JARID2: variants seen among roughly 807,000 people sequenced by gnomAD.
The protein encoded by JARID2 is jumonji and AT-rich interaction domain containing 2.
In JARID2, 21 loss-of-function variants were observed where a neutral mutation model predicts 125.6. The ratio of observed to expected loss-of-function variants is 0.17; its 90% CI spans 0.12 to 0.24. The LOEUF is 0.24. JARID2 is among the 10% of genes least tolerant of loss of function. The pLI, the probability that JARID2 is intolerant of heterozygous loss-of-function variation, is 1.00. For synonymous variants in JARID2, 736 were observed against 661.6 expected (o/e 1.11, Z -1.73); for missense variants, 1,303 against 1,639.6 (o/e 0.79, Z 3.55).
intron 1 of JARID2, among the ~76,000 whole-genome samples, chr6:15,294,022 C>G (rs1416889682): frequency 1.3e-5 from 2 of 152,176 alleles, no homozygotes; most frequent in Non-Finnish European, 2.9e-5. Flanking sequence ...CTTTGTGACT[C>G]CTATGCCAAG....
intron 1 of JARID2, among the ~76,000 whole-genome samples, chr6:15,262,533 A>AT (rs35864895): frequency 0.26 from 30,832 of 116,446 alleles, 4,676 homozygotes; most frequent in South Asian, 0.45. Flanking sequence ...TGGTTTGGCT[A>AT]TTTTTTTTTT....
intron 6 of JARID2, among the ~76,000 whole-genome samples, chr6:15,491,792 A>G (rs1319804415): frequency 1.3e-5 from 2 of 152,224 alleles, no homozygotes; most frequent in Admixed American, 6.5e-5. Context: ...AGAAAAACCC[A>G]TAAGGATGGA....
At chr6:15,279,788 C>T (rs1419163550) in intron 1 of JARID2, among the ~76,000 whole-genome samples, 1 of 152,134 alleles carries the variant, frequency 6.6e-6, no homozygotes, top group African/African-American at 2.4e-5. Context: ...CTCATTAGCC[C>T]CTATCGTCTA....
chr6:15,419,258 G>T (rs1245974344), intron 3 of JARID2, among the ~76,000 whole-genome samples: 7 of 152,160 alleles, frequency 4.6e-5, no homozygotes, highest in Admixed American at 3.9e-4. Flanking sequence ...ATAAATAAGA[G>T]AAGTACTAGT....
At chr6:15,471,258 A>G (rs1769062797) in intron 5 of JARID2, among the ~76,000 whole-genome samples, 8 of 152,232 alleles carry the variant, frequency 5.3e-5, no homozygotes, top group Admixed American at 5.2e-4. Context: ...CCAGGAATTT[A>G]TCATTTTGGA....
chr6:15,373,606 T>A (rs1471879075), intron 1 of JARID2, among the ~76,000 whole-genome samples: 1 of 152,346 alleles, frequency 6.6e-6, no homozygotes, highest in East Asian at 1.9e-4. Context: ...TCCAATTCCA[T>A]GTCTTCTGAC....
At chr6:15,439,112 A>G (rs914919293) in intron 3 of JARID2, among the ~76,000 whole-genome samples, 1 of 151,984 alleles carries the variant, frequency 6.6e-6, no homozygotes, top group Admixed American at 6.6e-5. Flanking sequence ...AAACCCAGCT[A>G]CAGTGCCTCT....
intron 5 of JARID2, among the ~76,000 whole-genome samples, chr6:15,483,179 A>G (rs143287144): frequency 6.7e-4 from 102 of 152,352 alleles, no homozygotes; most frequent in African/African-American, 2.3e-3. Context: ...AATAAAAACA[A>G]CATCCTATGA....
chr6:15,272,589 A>G (rs1308301099), intron 1 of JARID2, among the ~76,000 whole-genome samples: 1 of 152,224 alleles, frequency 6.6e-6, no homozygotes, highest in Non-Finnish European at 1.5e-5. Flanking sequence ...AGCTGTGGAA[A>G]CAAAGCAGGT....
chr6:15,312,779 G>A (rs1762057823), intron 1 of JARID2, among the ~76,000 whole-genome samples: 1 of 151,926 alleles, frequency 6.6e-6, no homozygotes, highest in African/African-American at 2.4e-5. Flanking sequence ...TGGTCCTTTC[G>A]TGATTCCCTG....
At chr6:15,321,995 G>A (rs1232591157) in intron 1 of JARID2, among the ~76,000 whole-genome samples, 1 of 151,982 alleles carries the variant, frequency 6.6e-6, no homozygotes, top group Non-Finnish European at 1.5e-5. Context: ...GTTTCACCAT[G>A]TTGGCCAGGC....
intron 1 of JARID2, among the ~76,000 whole-genome samples, chr6:15,270,927 C>G (rs150060035): frequency 0.077 from 11,632 of 151,330 alleles, 460 homozygotes; most frequent in Admixed American, 0.11. Context: ...GGCAACAGAG[C>G]AAGGCTCCCT....
intron 1 of JARID2, among the ~76,000 whole-genome samples, chr6:15,253,051 G>GA (rs1759517616): frequency 6.6e-6 from 1 of 151,586 alleles, no homozygotes; most frequent in South Asian, 2.1e-4. Context: ...GCCAGCTTCA[G>GA]GTTTTTTTAA....
At chr6:15,452,332 A>T in intron 4 of JARID2, 157 bp downstream of exon 4, 3 of 697,572 alleles carry the variant, frequency 4.3e-6, no homozygotes, top group Non-Finnish European at 5.3e-6. Context: ...CCACCGAGAG[A>T]GTGTGTGCTG....
At chr6:15,498,782 A>G (rs961235911) in intron 7 of JARID2, among the ~76,000 whole-genome samples, 27 of 152,200 alleles carry the variant, frequency 1.8e-4, no homozygotes, top group Non-Finnish European at 2.9e-5. Flanking sequence ...ACGTGATAGG[A>G]AGCAGTGCAG....
intron 5 of JARID2, among the ~76,000 whole-genome samples, chr6:15,477,356 G>C (rs1004662731): frequency 6.6e-6 from 1 of 152,004 alleles, no homozygotes; most frequent in African/African-American, 2.4e-5. Context: ...AGTGGGGACA[G>C]ACACTCTGTA....
At chr6:15,254,053 G>C (rs1759558943) in intron 1 of JARID2, among the ~76,000 whole-genome samples, 1 of 152,194 alleles carries the variant, frequency 6.6e-6, no homozygotes, top group Non-Finnish European at 1.5e-5. Context: ...TTTTGCTTGG[G>C]AAAGTTGGAA....
rs76202173 is a variant in JARID2 at position 15,505,629 on chromosome 6, C to T, written c.2541+1037C>T. On this transcript the variant is annotated intron_variant, in intron 9 of 17. Transcript: ENST00000341776. The stretch of plus-strand genomic sequence containing the variant: ...GTGGGGAATAGAGGTTTACCTTTCA[C>T]GCCATTTTCATCGTCTTAGGACCTA... Among the ~76,000 whole-genome samples the T allele has an allele frequency of 4.6e-3, 702 of 152,356 alleles. 3 individuals carry two copies. Among genetic ancestry groups the T allele is most frequent in the Non-Finnish European group, 5.7e-3 (388 of 68,038 alleles).
chr6:15,314,086 G>T (rs1762104432), intron 1 of JARID2, among the ~76,000 whole-genome samples: 1 of 152,164 alleles, frequency 6.6e-6, no homozygotes, highest in South Asian at 2.1e-4. Flanking sequence ...CAGTGATGCT[G>T]TTCATAGATA....
Sources: allele counts gnomAD v4.1 joint callset (sites outside exome capture counted in the v4.1 genomes callset), GRCh38; gene constraint gnomAD v4.1.1; transcripts MANE v1.5; gene names NCBI Gene and HGNC (gene_info 2026-07-23, HGNC 2026-07-21).